NELL2: variants seen among roughly 807,000 people sequenced by gnomAD.
NELL2 encodes the protein neural EGFL like 2, also known as protein kinase C-binding protein NELL2.
NELL2 carries 41 observed loss-of-function variants against 109.6 expected under a neutral mutation model. The observed-to-expected ratio is 0.37, with a 90% CI of 0.29 to 0.49. The LOEUF is 0.49. Among genes scored for constraint, NELL2 ranks in the 20% least tolerant of loss-of-function variants. The pLI is 0.98. For missense variants in NELL2, 900 were observed against 1,008.3 expected, an observed-to-expected ratio of 0.89 and a Z score of 1.45; for synonymous variants, 355 against 344.7, an observed-to-expected ratio of 1.03 and a Z score of -0.33.
At chr12:44,589,337 A>G (rs566559797) in intron 15 of NELL2, among the ~76,000 whole-genome samples, 1 of 151,962 alleles carries the variant, frequency 6.6e-6, no homozygotes, top group South Asian at 2.1e-4. Context: ...GACAGTGATG[A>G]AAAAAATTTG....
chr12:44,723,802 A>G (rs1266018748), intron 9 of NELL2, among the ~76,000 whole-genome samples: 1 of 152,132 alleles, frequency 6.6e-6, no homozygotes, highest in African/African-American at 2.4e-5. Context: ...GAGAATGCAA[A>G]CTAGTTTAGC....
chr12:44,780,004 A>G lies in NELL2; in HGVS notation c.354T>C (p.Ser118=), dbSNP rs755096961. 3 of 1,613,672 alleles carry G rather than the reference A, an allele frequency of 1.9e-6. No individual in the cohort carries two copies. The South Asian group carries it at 3.3e-5, about 18-fold the overall frequency. The change falls in exon 4 of 20, where the codon AGT becomes AGC. Residue 118 remains serine, a synonymous_variant. Transcript: ENST00000429094. ...HLDHRYLELE[S]SGHRNEVRLH... Reference sequence around the variant, plus strand: ...GTCTGACTTCATTCCGATGGCCACTACTTTCCAGTTCCAGGTACCTGCAGA... The same window carrying G: ...GTCTGACTTCATTCCGATGGCCACTGCTTTCCAGTTCCAGGTACCTGCAGA...
At chr12:44,906,232 A>T (rs1250231855) in intron 1 of NELL2, among the ~76,000 whole-genome samples, 1 of 152,082 alleles carries the variant, frequency 6.6e-6, no homozygotes, top group Non-Finnish European at 1.5e-5. Context: ...ACAAGGAAGC[A>T]GTATGCCTGG....
chr12:44,697,668 A>T (rs1949106405), intron 12 of NELL2, among the ~76,000 whole-genome samples: 1 of 152,210 alleles, frequency 6.6e-6, no homozygotes, highest in East Asian at 1.9e-4. Flanking sequence ...ATGAGAAAGT[A>T]ATTATATGCA....
intron 15 of NELL2, among the ~76,000 whole-genome samples, chr12:44,557,807 A>G (rs1040413894): frequency 6.6e-6 from 1 of 152,238 alleles, no homozygotes; most frequent in African/African-American, 2.4e-5. Flanking sequence ...TATTCACGAG[A>G]GAAAACAAGA....
chr12:44,806,543 G>C (rs1277994691), intron 3 of NELL2, among the ~76,000 whole-genome samples: 1 of 151,492 alleles, frequency 6.6e-6, no homozygotes, highest in Admixed American at 6.6e-5. Context: ...TATATATCTA[G>C]CCAATATCAT....
chr12:44,511,115 CT>C (rs1311948257), intron 19 of NELL2, among the ~76,000 whole-genome samples: 1 of 152,156 alleles, frequency 6.6e-6, no homozygotes, highest in Non-Finnish European at 1.5e-5. Flanking sequence ...GGAAGGGTTT[CT>C]TTGTTTTCTA....
intron 12 of NELL2, among the ~76,000 whole-genome samples, chr12:44,699,677 A>G (rs914215740): frequency 2.0e-5 from 3 of 152,124 alleles, no homozygotes; most frequent in Non-Finnish European, 4.4e-5. Context: ...ACTTTGTACC[A>G]AAATCACTAT....
At chr12:44,626,560 T>C (rs1946273147) in intron 13 of NELL2, among the ~76,000 whole-genome samples, 1 of 152,190 alleles carries the variant, frequency 6.6e-6, no homozygotes, top group South Asian at 2.1e-4. Context: ...GTCTTCCTCA[T>C]TCAAATAAAA....
intron 5 of NELL2, among the ~76,000 whole-genome samples, chr12:44,778,508 A>C (rs1056394385): frequency 2.0e-5 from 3 of 152,178 alleles, no homozygotes; most frequent in Non-Finnish European, 4.4e-5. Context: ...TGACCCCCAG[A>C]GTTGTACACA....
intron 15 of NELL2, among the ~76,000 whole-genome samples, chr12:44,549,708 A>T (rs1942951811): frequency 6.6e-6 from 1 of 152,156 alleles, no homozygotes; most frequent in Non-Finnish European, 1.5e-5. Context: ...CTTTTTGTAC[A>T]CTAAAAACTA....
chr12:44,673,647 AT>A (rs1472966841), intron 12 of NELL2, among the ~76,000 whole-genome samples: 7 of 152,220 alleles, frequency 4.6e-5, no homozygotes, highest in Non-Finnish European at 7.3e-5. Flanking sequence ...TCCAAAATTT[AT>A]TACAGAGTTA....
chr12:44,819,990 C>A (rs1943485274), intron 2 of NELL2, among the ~76,000 whole-genome samples: 1 of 152,084 alleles, frequency 6.6e-6, no homozygotes, highest in Admixed American at 6.5e-5. Context: ...TTTACCATAG[C>A]CTCAGGATGG....
intron 15 of NELL2, among the ~76,000 whole-genome samples, chr12:44,538,455 C>T (rs1316046584): frequency 6.6e-6 from 1 of 152,200 alleles, no homozygotes; most frequent in East Asian, 1.9e-4. Flanking sequence ...TCACATTCAT[C>T]ATTTGATTAC....
At position 44,886,803 on chromosome 12, in the gene NELL2, C is replaced by A. The variant is rs183172580; in HGVS notation, c.39-10903G>T. Among the ~76,000 whole-genome samples the A allele has an allele frequency of 2.0e-5, 3 of 152,050 alleles. No individual in the cohort carries two copies. The East Asian group carries it at 5.8e-4, about 29-fold the overall frequency. On this transcript the variant is annotated intron_variant, in intron 1 of 20. Transcript: ENST00000333837. ...TTTGTACCATTAATCAACTTCTCTTCATCCTCCCCTCCCCGCTAAACTTCC... is the reference window on the plus strand; with the variant it reads ...TTTGTACCATTAATCAACTTCTCTTAATCCTCCCCTCCCCGCTAAACTTCC...
intron 1 of NELL2, among the ~76,000 whole-genome samples, chr12:44,898,653 C>T (rs1945623196): frequency 6.6e-6 from 1 of 152,082 alleles, no homozygotes; most frequent in Admixed American, 6.5e-5. Flanking sequence ...ATGAGGAAAA[C>T]CAGGCACAAA....
intron 2 of NELL2, among the ~76,000 whole-genome samples, chr12:44,825,649 G>A (rs1298066570): frequency 2.0e-5 from 3 of 150,112 alleles, no homozygotes; most frequent in Admixed American, 2.0e-4. Context: ...GACTGCCTCG[G>A]CCTCCCAAAG....
At position 44,725,278 on chromosome 12, in the gene NELL2, C is replaced by G. The variant is rs376191610; in HGVS notation, c.995-10537G>C. On this transcript the variant is annotated intron_variant, in intron 9 of 19. Coordinates refer to ENST00000429094, the MANE Select transcript of NELL2 (RefSeq NM_001145108.2). ...GCAAAAATTGACAAGTGGGATCTAA[C>G]TAAACTTAAGAGTTTCTGCACAGCC... 2.6e-5 allele frequency among the ~76,000 whole-genome samples: 4 copies of G among 152,146 alleles called. No homozygotes were observed. In the East Asian group the frequency reaches 5.8e-4, roughly 22 times the overall value.
intron 9 of NELL2, among the ~76,000 whole-genome samples, chr12:44,742,231 A>T (rs1431943934): frequency 6.6e-6 from 1 of 152,222 alleles, no homozygotes. Flanking sequence ...AAACTCCAAC[A>T]GACCTGCAGC....
Sources: gnomAD v4.1 joint callset for allele counts (sites outside exome capture counted in the v4.1 genomes callset) on GRCh38, gnomAD v4.1.1 for gene constraint, MANE v1.5 for transcripts, NCBI Gene and HGNC (gene_info 2026-07-23, HGNC 2026-07-21) for gene names.